The following ZAP70 variants were observed in gnomAD, a reference collection of about 807,000 sequenced individuals.
ZAP70 encodes the protein zeta chain of T cell receptor associated protein kinase 70, also known as tyrosine-protein kinase ZAP-70.
Under a neutral mutation model 65.8 loss-of-function variants are expected in ZAP70, and 27 were observed. The ratio of observed to expected loss-of-function variants is 0.41; its 90% CI spans 0.30 to 0.57. The LOEUF is 0.57. ZAP70 is among the 20% of genes least tolerant of loss of function. The probability of loss-of-function intolerance (pLI) is 0.28; values close to 1 mark genes in which losing one functional copy is unlikely to be tolerated. For missense variants in ZAP70, 696 were observed against 870.5 expected, an observed-to-expected ratio of 0.80 and a Z score of 2.52; for synonymous variants, 363 against 360.8, an observed-to-expected ratio of 1.01 and a Z score of -0.07.
downstream of ZAP70, among the ~76,000 whole-genome samples, chr2:97,744,208 C>T (rs1031273261): frequency 7.9e-5 from 12 of 152,332 alleles, no homozygotes; most frequent in Middle Eastern, 3.4e-3. Context: ...CCGGTGCTCC[C>T]CTCAGCTCTG....
At chr2:97,733,622 G>T in intron 8 of ZAP70, 27 bp downstream of exon 8, 1 of 1,613,322 alleles carries the variant, frequency 6.2e-7, no homozygotes, top group African/African-American at 1.3e-5. Flanking sequence ...GGGGACGCGG[G>T]TTGGGGCTCA....
intron 13 of ZAP70, among the ~76,000 whole-genome samples, chr2:97,738,764 C>A (rs188919174): frequency 6.6e-6 from 1 of 152,106 alleles, no homozygotes; most frequent in East Asian, 1.9e-4. Flanking sequence ...CAGATAGACA[C>A]CCTCTCTGGC....
intron 2 of ZAP70, 103 bp from the exon 3 acceptor site, chr2:97,723,912 CG>C: frequency 7.5e-7 from 1 of 1,330,740 alleles, no homozygotes. Flanking sequence ...GCTCAGTCTG[CG>C]GCACTGATGC....
At chr2:97,749,780 C>A in the ZAP70 span, among the ~76,000 whole-genome samples, 2 of 151,870 alleles carry the variant, frequency 1.3e-5, no homozygotes, top group Non-Finnish European at 2.9e-5. Flanking sequence ...TGCTGAGAGG[C>A]GGGGCTGAGG....
Position 97,724,453 on chromosome 2 carries a change from TG to T in ZAP70, c.402+19del. 2 of 1,526,326 alleles carry T rather than the reference TG, an allele frequency of 1.3e-6. No homozygotes were observed. Among genetic ancestry groups the T allele is most frequent in the Non-Finnish European group, 8.8e-7 (1 of 1,138,716 alleles). 94.5% of individuals were successfully genotyped at this position (1,526,326 alleles called of 1,614,324 possible). A position where few individuals can be genotyped will look rare whatever the true frequency, so the allele number is the denominator to read the frequency against. ...GGAAGCTGGAGGTGAGAGCGCAGCC[TG>T]GGGCGCGGGGTCTGGAGGGGCGTGG... On this transcript the variant is annotated intron_variant, in intron 3 of 13. Transcript: ENST00000264972.
At chr2:97,718,124 G>A (rs575625863) in intron 2 of ZAP70, among the ~76,000 whole-genome samples, 64 of 152,298 alleles carry the variant, frequency 4.2e-4, no homozygotes, top group Admixed American at 3.1e-3. Flanking sequence ...TGAGGGACGC[G>A]GCTCCTAACC....
chr2:97,717,083 G>A (rs528767428), intron 2 of ZAP70, among the ~76,000 whole-genome samples: 2 of 152,264 alleles, frequency 1.3e-5, no homozygotes, highest in African/African-American at 4.8e-5. Flanking sequence ...CCAAGCTGGC[G>A]TGTGCTGACG....
the ZAP70 span, among the ~76,000 whole-genome samples, chr2:97,752,698 T>C: frequency 6.6e-6 from 1 of 152,254 alleles, no homozygotes; most frequent in Non-Finnish European, 1.5e-5. Context: ...CTACAGGCAT[T>C]TGTCAGGGTT....
At chr2:97,747,461 C>A in the ZAP70 span, among the ~76,000 whole-genome samples, 1 of 152,194 alleles carries the variant, frequency 6.6e-6, no homozygotes, top group Non-Finnish European at 1.5e-5. Context: ...AGGATCCAGA[C>A]ACAAAAAGCC....
At chr2:97,743,337 GTTCT>G (rs1296465674), downstream of ZAP70, among the ~76,000 whole-genome samples, 8 of 152,118 alleles carry the variant, frequency 5.3e-5, no homozygotes, top group South Asian at 2.1e-4. Flanking sequence ...ATAGTCTCCT[GTTCT>G]TTCTTTTCTT....
At chr2:97,744,512 T>C (rs1678202628), downstream of ZAP70, among the ~76,000 whole-genome samples, 1 of 152,184 alleles carries the variant, frequency 6.6e-6, no homozygotes, top group African/African-American at 2.4e-5. Context: ...AGTGAAACAA[T>C]GCATTAGTTT....
Position 97,719,555 on chromosome 2 carries a change from G to C in ZAP70, c.-21-4461G>C, listed in dbSNP as rs528479272. Reference sequence around the variant, plus strand: ...GCTATCAGTGCTGGAGAACAGCCTGGGGGGGGGGCGCAGACCAGGTCTGGC... The same window carrying C: ...GCTATCAGTGCTGGAGAACAGCCTGCGGGGGGGGCGCAGACCAGGTCTGGC... On this transcript the variant is annotated intron_variant, in intron 2 of 13. Coordinates refer to ENST00000264972, the MANE Select transcript of ZAP70 (RefSeq NM_001079.4). Among the ~76,000 whole-genome samples the C allele has an allele frequency of 1.8e-4, 27 of 149,096 alleles. 1 individual carries two copies. Among genetic ancestry groups the C allele is most frequent in the Admixed American group, 3.3e-4 (5 of 15,010 alleles).
rs931247498 is a variant in ZAP70 at position 97,718,735 on chromosome 2, G to A, written c.-22+4741G>A. Among the ~76,000 whole-genome samples, 4 of 152,196 alleles carry A rather than the reference G, an allele frequency of 2.6e-5. No homozygotes were observed. The South Asian group carries it at 6.2e-4, about 24-fold the overall frequency. On this transcript the variant is annotated intron_variant, in intron 2 of 13. Coordinates refer to ENST00000264972, the MANE Select transcript of ZAP70 (RefSeq NM_001079.4). ...CTACCCAGGCTGCACCTGCGGCCAC[G>A]TGGGGAGGAGCTTCTCAAACTGTGT... is the stretch of plus-strand genomic sequence containing the variant.
intron 4 of ZAP70, among the ~76,000 whole-genome samples, chr2:97,729,820 T>A (rs1677531149): frequency 6.6e-6 from 1 of 152,030 alleles, no homozygotes; most frequent in Admixed American, 6.6e-5. Flanking sequence ...TATCTGGGAA[T>A]TTGCAGCTGC....
At chr2:97,726,220 GT>G (rs1285521840) in intron 4 of ZAP70, among the ~76,000 whole-genome samples, 4 of 152,170 alleles carry the variant, frequency 2.6e-5, no homozygotes, top group Non-Finnish European at 2.9e-5. Flanking sequence ...TTGTGAGTTT[GT>G]TAATGTGAAA....
intron 2 of ZAP70, among the ~76,000 whole-genome samples, chr2:97,722,450 C>T (rs535641864): frequency 6.6e-6 from 1 of 152,224 alleles, no homozygotes; most frequent in Non-Finnish European, 1.5e-5. Context: ...AACCATAGTG[C>T]TGAAATGCTA....
In ZAP70 at chr2:97,714,643, G is replaced by A. The variant is rs80226864; in HGVS notation, c.-22+649G>A. ...TGTGTCCCAGGTAGGAAGCATCCCC[G>A]ACAGGAAGGAACAGGAGTTCATGAG... On this transcript the variant is annotated intron_variant, in intron 2 of 13. Transcript: ENST00000264972. 5.8e-3 allele frequency among the ~76,000 whole-genome samples: 877 copies of A among 152,316 alleles called. 30 individuals carry two copies. In the East Asian group the frequency reaches 0.092, roughly 16 times the overall value.
chr2:97,730,841 G>A (rs1410183833), intron 4 of ZAP70, among the ~76,000 whole-genome samples: 1 of 152,078 alleles, frequency 6.6e-6, no homozygotes, highest in East Asian at 1.9e-4. Context: ...GGATCACGAG[G>A]TCAGAAGATT....
rs1573284895 is a variant in ZAP70 at position 97,735,388 on chromosome 2, C to T, written c.1221C>T (p.Ala407=). The T allele has an allele frequency of 1.2e-6, 2 of 1,614,082 alleles. No individual in the cohort carries two copies. Among genetic ancestry groups the T allele is most frequent in the Non-Finnish European group, 1.7e-6 (2 of 1,179,972 alleles). Residue 407 remains alanine (A), a synonymous_variant, in exon 10 of 14, where the codon GCC becomes GCT. Coordinates refer to ENST00000264972, the MANE Select transcript of ZAP70 (RefSeq NM_001079.4). ...TGCGGCTCATTGGCGTCTGCCAGGC[C>T]GAGGCCCTCATGCTGGTCATGGAGA... ...YIVRLIGVCQ[A]EALMLVMEMA... is the part of the protein sequence containing the mutation.
Sources: gnomAD v4.1 joint callset for allele counts (sites outside exome capture counted in the v4.1 genomes callset) on GRCh38, gnomAD v4.1.1 for gene constraint, MANE v1.5 for transcripts, NCBI Gene and HGNC (gene_info 2026-07-23, HGNC 2026-07-21) for gene names.